The following PASD1 variants were observed in gnomAD, a reference collection of about 807,000 sequenced individuals.
PASD1 encodes the protein circadian clock protein PASD1.
Under a neutral mutation model 58.8 loss-of-function variants are expected in PASD1, and 13 were observed. The observed-to-expected ratio is 0.22, with a 90% CI of 0.14 to 0.35. The LOEUF (loss-of-function observed/expected upper bound fraction) is 0.35, where lower values mean the gene tolerates loss of function less well. Ranked by LOEUF, PASD1 falls within the 10% of genes least tolerant of loss-of-function variation. PASD1 has a pLI of 1.00. For synonymous variants in PASD1, 236 were observed against 216.7 expected (o/e 1.09, Z -0.78); for missense variants, 734 against 568.3 (o/e 1.29, Z -2.96).
At chrX:151,595,444 C>T (rs996159346) in intron 1 of PASD1, among the ~76,000 whole-genome samples, 1 of 110,813 alleles carries the variant, frequency 9.0e-6, no homozygotes, top group Admixed American at 9.6e-5. Flanking sequence ...GCAGGCCGGG[C>T]GCAGTGGCTT....
At chrX:151,613,255 G>A (rs1308571721) in intron 4 of PASD1, among the ~76,000 whole-genome samples, 2 of 111,198 alleles carry the variant, frequency 1.8e-5, no homozygotes. Context: ...GTAGTATGAT[G>A]CCTCCAGCTT....
At chrX:151,564,213 G>A (rs1456412930) in intron 1 of PASD1, among the ~76,000 whole-genome samples, 1 of 112,995 alleles carries the variant, frequency 8.8e-6, no homozygotes, top group Non-Finnish European at 1.9e-5. Flanking sequence ...GGTCTGAGCG[G>A]GCGGTTCGGG....
At chrX:151,637,954 C>T (rs1364623074) in intron 8 of PASD1, among the ~76,000 whole-genome samples, 3 of 111,477 alleles carry the variant, frequency 2.7e-5, no homozygotes, top group Non-Finnish European at 3.8e-5. Context: ...AATATTTTCT[C>T]ATATTCATTG....
At chrX:151,611,514 AT>A (rs747276616) in intron 3 of PASD1, 149 bp from the exon 4 acceptor site, 12 of 378,059 alleles carry the variant, frequency 3.2e-5, no homozygotes, top group Non-Finnish European at 4.9e-5. Flanking sequence ...GAATAATGGA[AT>A]TTTAATTAAG....
chrX:151,594,734 A>G lies in PASD1; in HGVS notation c.-27-6793A>G, dbSNP rs142849374. Among the ~76,000 whole-genome samples the G allele has an allele frequency of 7.1e-3, 801 of 112,192 alleles. 13 individuals are homozygous for G. The highest frequency in any genetic ancestry group is 0.025 in the African/African-American group (773 of 30,901). Reference sequence around the variant, plus strand: ...ATTTATGAACATATATATTCTTGCCAGTGCTTTTCATTCCTTTGTGTAGAT... The same window carrying G: ...ATTTATGAACATATATATTCTTGCCGGTGCTTTTCATTCCTTTGTGTAGAT... On this transcript the variant is annotated intron_variant, in intron 1 of 15. Transcript: ENST00000370357.
chrX:151,672,051 AG>A lies in PASD1; in HGVS notation c.1438-131del, dbSNP rs2014478058. ...GTCTAACTAAAGTAGACAGTCACAC[AG>A]ATCACTATGTGCAGAGAGGCTCAAC... On this transcript the variant is annotated intron_variant, in intron 13 of 15. Transcript: ENST00000370357. 5.0e-6 allele frequency: 5 copies of A among 1,007,376 alleles called. No homozygotes were observed. The African/African-American group carries it at 9.7e-5, about 20-fold the overall frequency. 83.0% of individuals were successfully genotyped at this position (1,007,376 alleles called of 1,213,427 possible).
At chrX:151,646,004 C>A (rs989280294) in intron 8 of PASD1, among the ~76,000 whole-genome samples, 1 of 110,304 alleles carries the variant, frequency 9.1e-6, no homozygotes, top group African/African-American at 3.3e-5. Context: ...TTGACCTCCC[C>A]GGCTCAAGTG....
At chrX:151,615,057 G>A (rs1475359055) in intron 4 of PASD1, among the ~76,000 whole-genome samples, 4 of 111,387 alleles carry the variant, frequency 3.6e-5, no homozygotes, top group Non-Finnish European at 5.7e-5. Context: ...GGGAATGTAC[G>A]AGTATGATCC....
In PASD1 at chrX:151,676,196, T is replaced by A. The variant is rs189018655; in HGVS notation, c.*53T>A. The A allele has an allele frequency of 7.5e-5, 85 of 1,136,758 alleles. No individual in the cohort carries two copies. In the East Asian group the frequency reaches 1.8e-3, roughly 24 times the overall value. 93.7% of individuals were successfully genotyped at this position (1,136,758 alleles called of 1,213,427 possible). On this transcript the variant is annotated 3_prime_UTR_variant, in exon 16 of 16. Transcript: ENST00000370357. The stretch of plus-strand genomic sequence containing the variant: ...GAAATGGGGGGAGGGGGCAGGCCAA[T>A]GAGGTCTGCATGGCCAGGGGACCTT...
chrX:151,611,844 T>C (rs1038856175), intron 4 of PASD1, 91 bp downstream of exon 4: 85 of 640,033 alleles, frequency 1.3e-4, no homozygotes, highest in Non-Finnish European at 1.6e-4. Context: ...ATACTTTAAG[T>C]TTTAGAGTAC....
At chrX:151,586,741 C>G (rs777623286) in intron 1 of PASD1, among the ~76,000 whole-genome samples, 4 of 111,609 alleles carry the variant, frequency 3.6e-5, no homozygotes, top group African/African-American at 9.7e-5. Context: ...GAACTTGATG[C>G]CGTGATGATT....
At chrX:151,674,724 C>A (rs1208738008) in intron 15 of PASD1, among the ~76,000 whole-genome samples, 2 of 112,412 alleles carry the variant, frequency 1.8e-5, no homozygotes, top group Non-Finnish European at 3.8e-5. Context: ...AGTTACGTAG[C>A]AGGTTTTGCT....
intron 4 of PASD1, among the ~76,000 whole-genome samples, chrX:151,612,481 G>A (rs1437118792): frequency 1.8e-5 from 2 of 109,701 alleles, no homozygotes; most frequent in South Asian, 4.0e-4. Flanking sequence ...AGCACCTGTC[G>A]TTTCCTGACT....
chrX:151,675,999 G>A lies in PASD1; in HGVS notation c.2178G>A (p.Val726=), dbSNP rs756583360. 2.5e-6 allele frequency: 3 copies of A among 1,208,997 alleles called. No homozygotes were observed. Among genetic ancestry groups the A allele is most frequent in the Non-Finnish European group, 3.4e-6 (3 of 894,675 alleles). Residue 726 remains valine (V), a splice_region_variant and synonymous_variant, in exon 16 of 16, where the codon GTG becomes GTA. Coordinates refer to ENST00000370357, the MANE Select transcript of PASD1 (RefSeq NM_173493.3). ...CTTGTTTCACTTTTTCCTGGCAGGT[G>A]CAAGTTTCTGAGGTAGGAGTCGAGG... ...TLHGQPTYHQ[V]QVSEVGVEGP...
At chrX:151,570,502 G>A (rs1177537821) in intron 1 of PASD1, among the ~76,000 whole-genome samples, 1 of 112,422 alleles carries the variant, frequency 8.9e-6, no homozygotes, top group Non-Finnish European at 1.9e-5. Context: ...AGCCTGGCTC[G>A]TTCCCAGCAT....
At chrX:151,578,982 A>G (rs1284629173) in intron 1 of PASD1, among the ~76,000 whole-genome samples, 1 of 112,151 alleles carries the variant, frequency 8.9e-6, no homozygotes, top group Non-Finnish European at 1.9e-5. Context: ...ATCCCATTCC[A>G]TGTTCCTGAG....
At chrX:151,619,862 A>G (rs751942750) in intron 4 of PASD1, among the ~76,000 whole-genome samples, 2 of 111,725 alleles carry the variant, frequency 1.8e-5, no homozygotes, top group Non-Finnish European at 3.8e-5. Context: ...CAGAGTTATA[A>G]TTGAAGTGAG....
In PASD1 at chrX:151,614,240, CT is replaced by C. The variant is rs1301854460; in HGVS notation, c.207+2488del. Among the ~76,000 whole-genome samples the C allele has an allele frequency of 4.5e-5, 5 of 111,602 alleles. No homozygotes were observed. In the Admixed American group the frequency reaches 4.8e-4, roughly 11 times the overall value. On this transcript the variant is annotated intron_variant, in intron 4 of 15. Transcript: ENST00000370357. ...CCTCAAGCGATCCGCCCATCTCGGC[CT>C]CCCAAAGTGCTGGGATTAAAAGCGT...
In PASD1 at chrX:151,665,623, G is replaced by T. The variant is rs762188092; in HGVS notation, c.1071+1275G>T. Among the ~76,000 whole-genome samples the T allele has an allele frequency of 1.4e-4, 16 of 111,720 alleles. 1 individual carries two copies. The highest frequency in any genetic ancestry group is 1.9e-5 in the Non-Finnish European group (1 of 53,193). On this transcript the variant is annotated intron_variant, in intron 11 of 15. Transcript: ENST00000370357. Reference sequence around the variant, plus strand: ...GTAGTTGAAGGGTCATAAAGTGGAAGATATGGTTCCAGAGGATCAAGGAAG... The same window carrying T: ...GTAGTTGAAGGGTCATAAAGTGGAATATATGGTTCCAGAGGATCAAGGAAG...
Sources: allele counts gnomAD v4.1 joint callset (sites outside exome capture counted in the v4.1 genomes callset), GRCh38; gene constraint gnomAD v4.1.1; transcripts MANE v1.5; gene names NCBI Gene and HGNC (gene_info 2026-07-23, HGNC 2026-07-21).